Variants in ALK observed in about 807,000 individuals in gnomAD.
The protein encoded by ALK is ALK receptor tyrosine kinase, also known as ALK tyrosine kinase receptor.
Under a neutral mutation model 163.1 loss-of-function variants are expected in ALK, and 74 were observed. The ratio of observed to expected loss-of-function variants is 0.45; its 90% CI spans 0.38 to 0.55. The LOEUF is 0.55. Ranked by LOEUF, ALK falls within the 20% of genes least tolerant of loss-of-function variation. The pLI is 0.00. For synonymous variants in ALK, 960 were observed against 843.2 expected, an observed-to-expected ratio of 1.14 and a Z score of -2.40; for missense variants, 2,063 against 2,105.3, an observed-to-expected ratio of 0.98 and a Z score of 0.39.
chr2:29,665,037 GCCA>G (rs1677473253), intron 3 of ALK, among the ~76,000 whole-genome samples: 1 of 134,532 alleles, frequency 7.4e-6, no homozygotes, highest in East Asian at 2.1e-4. Context: ...CTCTCACTGT[GCCA>G]CCCAGACTGG....
chr2:29,658,845 C>T (rs1019973394), intron 3 of ALK, among the ~76,000 whole-genome samples: 1 of 152,276 alleles, frequency 6.6e-6, no homozygotes, highest in Admixed American at 6.5e-5. Context: ...TCATAAACTA[C>T]ACTGAAGCAG....
At chr2:29,342,249 G>C (rs1667815523) in intron 5 of ALK, among the ~76,000 whole-genome samples, 1 of 152,178 alleles carries the variant, frequency 6.6e-6, no homozygotes, top group Admixed American at 6.5e-5. Context: ...CAATATAGTT[G>C]TTCCTCAATT....
intron 5 of ALK, among the ~76,000 whole-genome samples, chr2:29,342,984 GC>G (rs765280763): frequency 1.4e-5 from 2 of 146,378 alleles, no homozygotes; most frequent in Non-Finnish European, 3.0e-5. Flanking sequence ...CTGGGTTCGT[GC>G]CATTCTCCTG....
At chr2:29,287,727 G>A (rs932398169) in intron 9 of ALK, among the ~76,000 whole-genome samples, 5 of 151,590 alleles carry the variant, frequency 3.3e-5, no homozygotes, top group African/African-American at 1.2e-4. Context: ...TTTGCCCACC[G>A]ACTGGCTGAA....
chr2:29,855,453 A>G (rs1666114636), intron 1 of ALK, among the ~76,000 whole-genome samples: 5 of 152,122 alleles, frequency 3.3e-5, no homozygotes, highest in Admixed American at 3.3e-4. Context: ...CCTTCTACCA[A>G]GAGATCACTA....
chr2:29,505,360 T>C (rs775275300), intron 4 of ALK, among the ~76,000 whole-genome samples: 5 of 152,154 alleles, frequency 3.3e-5, no homozygotes, highest in Non-Finnish European at 7.4e-5. Context: ...TATCTCAAGA[T>C]GATTGAACTA....
chr2:29,413,102 C>T (rs372023602), intron 4 of ALK, among the ~76,000 whole-genome samples: 30 of 152,226 alleles, frequency 2.0e-4, no homozygotes, highest in Admixed American at 1.0e-3. Flanking sequence ...TCACTTGATG[C>T]GGCCTGTTAC....
chr2:29,253,880 ATAGATAGATAGATAGG>A (rs1264860464), intron 11 of ALK, among the ~76,000 whole-genome samples: 29 of 140,414 alleles, frequency 2.1e-4, no homozygotes, highest in African/African-American at 8.3e-4. Context: ...AGATAGATAG[ATAGATAGATAGATAGG>A]TAGATAGCTG....
intron 28 of ALK, among the ~76,000 whole-genome samples, chr2:29,194,989 AAATT>A (rs977192157): frequency 3.3e-5 from 5 of 152,296 alleles, no homozygotes; most frequent in African/African-American, 9.6e-5. Context: ...AAATTTGGAG[AAATT>A]AATTAATATT....
intron 2 of ALK, among the ~76,000 whole-genome samples, chr2:29,706,363 C>T (rs1250991400): frequency 6.6e-6 from 1 of 152,170 alleles, no homozygotes; most frequent in Admixed American, 6.5e-5. Context: ...ATTAATCCAC[C>T]AGCTGCCATC....
At position 29,306,745 on chromosome 2, in the gene ALK, T is replaced by A. The variant is rs1366649898; in HGVS notation, c.1648-9688A>T. ...TATATTTATGGGAAATAACGCTTGC[T>A]GATGCCAGTAACAATAAAATTTTTG... On this transcript the variant is annotated intron_variant, in intron 8 of 28. Coordinates refer to ENST00000389048, the MANE Select transcript of ALK (RefSeq NM_004304.5). 3.9e-5 allele frequency among the ~76,000 whole-genome samples: 6 copies of A among 152,318 alleles called. No homozygotes were observed. The East Asian group carries it at 1.2e-3, about 29-fold the overall frequency.
rs146323322 is a variant in ALK, at chr2:29,217,129, GGTGTGT to G, written c.3646-3054_3646-3049del. Among the ~76,000 whole-genome samples the G allele has an allele frequency of 1.8e-3, 251 of 138,428 alleles. 1 individual carries two copies. The highest frequency in any genetic ancestry group is 2.8e-3 in the Admixed American group (38 of 13,616). 90.8% of individuals were successfully genotyped at this position (138,428 alleles called of 152,430 possible). On this transcript the variant is annotated intron_variant, in intron 23 of 28. Transcript: ENST00000389048. ...GTGTCTGTGGGGGGGGGGCGTGTGT[GGTGTGT>G]GTGTGTGTGTGTGTAGTGTATGTGT...
At chr2:29,231,029 G>T (rs537907824) in intron 15 of ALK, among the ~76,000 whole-genome samples, 1 of 152,196 alleles carries the variant, frequency 6.6e-6, no homozygotes, top group South Asian at 2.1e-4. Flanking sequence ...TCAGAACAAC[G>T]GTGTTTTAAA....
intron 1 of ALK, among the ~76,000 whole-genome samples, chr2:29,723,297 G>A (rs1482782806): frequency 2.0e-5 from 3 of 152,104 alleles, no homozygotes; most frequent in African/African-American, 4.8e-5. Flanking sequence ...TCTCTCAGCC[G>A]AGGAAGCTCC....
intron 1 of ALK, among the ~76,000 whole-genome samples, chr2:29,822,378 T>C (rs923445138): frequency 2.6e-5 from 4 of 152,154 alleles, no homozygotes; most frequent in African/African-American, 9.7e-5. Context: ...AGAACAAGTT[T>C]TCAGGTGGGA....
intron 8 of ALK, among the ~76,000 whole-genome samples, chr2:29,302,049 T>A (rs955445606): frequency 6.6e-6 from 1 of 152,232 alleles, no homozygotes; most frequent in African/African-American, 2.4e-5. Context: ...TTTAAATGAA[T>A]GATTACAAAT....
chr2:29,292,872 C>G (rs1040798279), intron 9 of ALK, among the ~76,000 whole-genome samples: 1 of 152,176 alleles, frequency 6.6e-6, no homozygotes, highest in African/African-American at 2.4e-5. Context: ...GCTTTATGTA[C>G]CTATGACTTA....
chr2:29,581,261 G>A (rs962156678), intron 3 of ALK, among the ~76,000 whole-genome samples: 3 of 152,140 alleles, frequency 2.0e-5, no homozygotes, highest in African/African-American at 7.2e-5. Flanking sequence ...GGTGACACGC[G>A]CCTATAGTCC....
intron 4 of ALK, among the ~76,000 whole-genome samples, chr2:29,408,027 G>A (rs775657249): frequency 6.6e-6 from 1 of 152,040 alleles, no homozygotes; most frequent in Non-Finnish European, 1.5e-5. Flanking sequence ...AGAGTGAGTA[G>A]GCTACAGGTG....
Sources: gnomAD v4.1 joint callset for allele counts (sites outside exome capture counted in the v4.1 genomes callset) on GRCh38, gnomAD v4.1.1 for gene constraint, MANE v1.5 for transcripts, NCBI Gene and HGNC (gene_info 2026-07-23, HGNC 2026-07-21) for gene names.